EVI5L: variants seen among roughly 807,000 people sequenced by gnomAD.
EVI5L encodes ecotropic viral integration site 5 like.
In EVI5L, 30 loss-of-function variants were observed where a neutral mutation model predicts 106.1. That is an observed-to-expected ratio of 0.28 (90% CI 0.21 to 0.38). The LOEUF (loss-of-function observed/expected upper bound fraction) is 0.38. Ranked by LOEUF, EVI5L falls within the 10% of genes least tolerant of loss-of-function variation. The pLI, the probability that EVI5L is intolerant of heterozygous loss-of-function variation, is 1.00. For synonymous variants in EVI5L, 489 were observed against 483.3 expected, an observed-to-expected ratio of 1.01 and a Z score of -0.15; for missense variants, 809 against 1,098.0, an observed-to-expected ratio of 0.74 and a Z score of 3.72.
In EVI5L at chr19:7,857,260, C is replaced by A; in HGVS notation, c.1233+136C>A. On this transcript the variant is annotated intron_variant, in intron 12 of 19. Transcript: ENST00000538904. The surrounding 1 kb of genome is among the most constrained non-coding windows in gnomAD (Gnocchi z 4.5). ...CGCCATGCATGGAGCAGCTGGGGACCGCTTCTGGGGGACACAGAGGCTTCC... is the reference window on the plus strand; with the variant it reads ...CGCCATGCATGGAGCAGCTGGGGACAGCTTCTGGGGGACACAGAGGCTTCC... 1 of 1,233,406 alleles carries A rather than the reference C, an allele frequency of 8.1e-7. No individual in the cohort carries two copies. The highest frequency in any genetic ancestry group is 2.5e-5 in the East Asian group (1 of 39,440). The allele number at this position is 1,233,406 out of a possible 1,614,324, so 76.4% of individuals were successfully genotyped here.
At chr19:7,862,782 G>C (rs1481656868) in intron 17 of EVI5L, among the ~76,000 whole-genome samples, 190 bp from the exon 18 acceptor site, 1 of 83,098 alleles carries the variant, frequency 1.2e-5, no homozygotes, top group African/African-American at 4.7e-5. Flanking sequence ...CCCCGCCCGC[G>C]GCCACGCCTC....
At chr19:7,839,258 G>A (rs1044231147) in intron 1 of EVI5L, among the ~76,000 whole-genome samples, 7 of 148,172 alleles carry the variant, frequency 4.7e-5, no homozygotes, top group Admixed American at 2.7e-4. Flanking sequence ...AGCCGAGATC[G>A]CGCCACTGCA....
rs984905685 is a variant in EVI5L at position 7,851,377 on chromosome 19, C to A, written c.754-57C>A. The A allele has an allele frequency of 2.4e-5, 38 of 1,564,666 alleles. No homozygotes were observed. The African/African-American group carries it at 4.6e-4, about 19-fold the overall frequency. ...GAGGCGGGGACACTGAGGCCCAGCA[C>A]CCCCCGGTGGGAGGGCGTCCCCCTC... On this transcript the variant is annotated intron_variant, in intron 6 of 19. Transcript: ENST00000538904.
intron 1 of EVI5L, among the ~76,000 whole-genome samples, chr19:7,830,601 T>C: frequency 9.4e-6 from 1 of 105,992 alleles, no homozygotes; most frequent in Non-Finnish European, 1.9e-5. Context: ...TCCTGCAGGA[T>C]CCCCCTCCCC....
At position 7,864,255 on chromosome 19, in the gene EVI5L, C is replaced by T; in HGVS notation, c.*553C>T. 6.5e-6 allele frequency: 1 copy of T among 152,816 alleles called. No homozygotes were observed. Among genetic ancestry groups the T allele is most frequent in the Non-Finnish European group, 1.5e-5 (1 of 68,242 alleles). The allele number at this position is 152,816 out of a possible 1,614,324, so 9.5% of individuals were successfully genotyped here. On this transcript the variant is annotated 3_prime_UTR_variant, in exon 20 of 20. Coordinates refer to ENST00000538904, the MANE Select transcript of EVI5L (RefSeq NM_001159944.3). This position sits in a 1 kb window ranked among gnomAD's most constrained non-coding sequence, Gnocchi z 4.5. ...AGGCCGCTGGGGACAGATGGCCAGG[C>T]CGGCCTCTCCTGCCTGGCGCAGGCA...
rs1568232507 is a variant in EVI5L, at chr19:7,838,091, G to GCCA, written c.-48+7710_-48+7711insCCA. Among the ~76,000 whole-genome samples, 75 of 150,120 alleles carry GCCA rather than the reference G, an allele frequency of 5.0e-4. 2 individuals are homozygous for GCCA. The East Asian group carries it at 0.013, about 27-fold the overall frequency. On this transcript the variant is annotated intron_variant, in intron 1 of 19. Coordinates refer to ENST00000538904, the MANE Select transcript of EVI5L (RefSeq NM_001159944.3). Reference sequence around the variant, plus strand: ...GTCTGGTGTGTTTATTTTTTTTTTGGTTGGTTTTTTTTTGTTTTGTTTTGT... The same window carrying GCCA: ...GTCTGGTGTGTTTATTTTTTTTTTGGCCATTGGTTTTTTTTTGTTTTGTTTTGT...
chr19:7,854,960 G>C (rs1979449173), intron 10 of EVI5L, among the ~76,000 whole-genome samples: 1 of 152,156 alleles, frequency 6.6e-6, no homozygotes, highest in Admixed American at 6.5e-5. Flanking sequence ...CCTGCAGTGT[G>C]GCAGGGCCCT....
At chr19:7,844,347 A>AAGAAAG (rs1555692440) in intron 1 of EVI5L, among the ~76,000 whole-genome samples, 11,246 of 140,498 alleles carry the variant, frequency 0.08, 504 homozygotes, top group African/African-American at 0.092. Flanking sequence ...AAAAAAAAAA[A>AAGAAAG]AAAGAAAGAA....
At chr19:7,859,563 A>G (rs529827933) in intron 13 of EVI5L, among the ~76,000 whole-genome samples, 1 of 152,360 alleles carries the variant, frequency 6.6e-6, no homozygotes, top group East Asian at 1.9e-4. Flanking sequence ...CCACATCCGT[A>G]TGATGCTGGC....
At chr19:7,851,370 C>A in intron 6 of EVI5L, 64 bp from the exon 7 acceptor site, 2 of 1,563,102 alleles carry the variant, frequency 1.3e-6, no homozygotes, top group Non-Finnish European at 1.7e-6. Flanking sequence ...GACACTGAGG[C>A]CCAGCACCCC....
chr19:7,839,716 G>A (rs1240018279), intron 1 of EVI5L, among the ~76,000 whole-genome samples: 2 of 151,956 alleles, frequency 1.3e-5, no homozygotes, highest in Non-Finnish European at 2.9e-5. Context: ...TTGAAGCCAG[G>A]AGTTCAAGAG....
At chr19:7,847,323 C>T (rs1978999010) in intron 2 of EVI5L, among the ~76,000 whole-genome samples, 1 of 151,428 alleles carries the variant, frequency 6.6e-6, no homozygotes, top group Non-Finnish European at 1.5e-5. Context: ...GGCAGTGGCT[C>T]AAGCCTGTAA....
intron 14 of EVI5L, 81 bp from the exon 15 acceptor site, chr19:7,861,797 C>T: frequency 2.0e-6 from 3 of 1,516,502 alleles, no homozygotes; most frequent in South Asian, 1.2e-5. Flanking sequence ...CAGGAGGAAA[C>T]GTGGCTGGGG....
intron 16 of EVI5L, 54 bp from the exon 17 acceptor site, chr19:7,862,332 CCT>C (rs1979847525): frequency 5.7e-6 from 9 of 1,583,646 alleles, no homozygotes; most frequent in Non-Finnish European, 7.7e-6. Context: ...GTGGCCAGCC[CCT>C]GAGTTAGGCC....
In EVI5L at chr19:7,848,108, T is replaced by C. The variant is rs1400473908; in HGVS notation, c.327+187T>C. 6.6e-6 allele frequency among the ~76,000 whole-genome samples: 1 copy of C among 152,024 alleles called. No homozygotes were observed. The highest frequency in any genetic ancestry group is 1.5e-5 in the Non-Finnish European group (1 of 67,994). On this transcript the variant is annotated intron_variant, in intron 3 of 19. Transcript: ENST00000538904. The surrounding 1 kb of genome is among the most constrained non-coding windows in gnomAD (Gnocchi z 4.8). Reference sequence around the variant, plus strand: ...GACAGGAGAGAGTGAGTCAGGGTGGTGCTGGACAGGCCCTGCACCCTCGAG... The same window carrying C: ...GACAGGAGAGAGTGAGTCAGGGTGGCGCTGGACAGGCCCTGCACCCTCGAG...
Position 7,857,019 on chromosome 19 carries a change from C to A in EVI5L, c.1201-73C>A. ...TTAGTGACAAGTGGTTCTTGTCTGT[C>A]TCCCCTCTCCTGTCCCCGCGCCTTC... is the stretch of plus-strand genomic sequence containing the variant. On this transcript the variant is annotated intron_variant, in intron 11 of 19. Coordinates refer to ENST00000538904, the MANE Select transcript of EVI5L (RefSeq NM_001159944.3). The surrounding 1 kb of genome is among the most constrained non-coding windows in gnomAD (Gnocchi z 4.5). 6.7e-7 allele frequency: 1 copy of A among 1,489,052 alleles called. No individual in the cohort carries two copies. Among genetic ancestry groups the A allele is most frequent in the Non-Finnish European group, 9.2e-7 (1 of 1,090,180 alleles). 92.2% of individuals were successfully genotyped at this position (1,489,052 alleles called of 1,614,324 possible).
intron 14 of EVI5L, among the ~76,000 whole-genome samples, chr19:7,861,658 G>A (rs1015410166): frequency 2.0e-5 from 3 of 152,200 alleles, no homozygotes; most frequent in Non-Finnish European, 4.4e-5. Context: ...CACCCTGTGA[G>A]AGTAGGTGCT....
chr19:7,847,437 G>A (rs1979003852), intron 2 of EVI5L, among the ~76,000 whole-genome samples: 1 of 152,022 alleles, frequency 6.6e-6, no homozygotes, highest in Admixed American at 6.6e-5. Flanking sequence ...CAAATATAAA[G>A]TTAGCCAGGT....
chr19:7,855,237 T>C (rs1979465091), intron 10 of EVI5L, among the ~76,000 whole-genome samples: 1 of 149,882 alleles, frequency 6.7e-6, no homozygotes, highest in East Asian at 2.0e-4. Context: ...TGCCTCAGCC[T>C]CCCCTGTAGC....
Sources: allele counts gnomAD v4.1 joint callset (sites outside exome capture counted in the v4.1 genomes callset), GRCh38; gene constraint gnomAD v4.1.1; non-coding constraint Gnocchi (gnomAD v3.1); transcripts MANE v1.5; gene names NCBI Gene and HGNC (gene_info 2026-07-23, HGNC 2026-07-21).